The following TNIK variants were observed in gnomAD, a reference collection of about 807,000 sequenced individuals.
The protein encoded by TNIK is TRAF2 and NCK-interacting protein kinase.
Under a neutral mutation model 191.3 loss-of-function variants are expected in TNIK, and 49 were observed. That is an observed-to-expected ratio of 0.26 (90% CI 0.20 to 0.32). TNIK has a LOEUF of 0.32. Among genes scored for constraint, TNIK ranks in the 10% least tolerant of loss-of-function variants. TNIK has a pLI of 1.00. For missense variants in TNIK, 1,155 were observed against 1,702.3 expected (o/e 0.68, Z 5.66); for synonymous variants, 594 against 600.9 (o/e 0.99, Z 0.17).
In TNIK at chr3:171,159,452, G is replaced by C. The variant is rs951913363; in HGVS notation, c.1017-1788C>G. On this transcript the variant is annotated intron_variant, in intron 11 of 32. Transcript: ENST00000436636. This position sits in a 1 kb window ranked among gnomAD's most constrained non-coding sequence, Gnocchi z 4.1. Reference sequence around the variant, plus strand: ...CCATGAAAAGACATAAAAAGGCTTTGTTCGTGATGTTCCATAGACAATGCT... The same window carrying C: ...CCATGAAAAGACATAAAAAGGCTTTCTTCGTGATGTTCCATAGACAATGCT... Among the ~76,000 whole-genome samples the C allele has an allele frequency of 6.6e-6, 1 of 152,180 alleles. No individual in the cohort carries two copies. The highest frequency in any genetic ancestry group is 2.4e-5 in the African/African-American group (1 of 41,440).
chr3:171,232,727 A>G (rs1345414835), intron 2 of TNIK, among the ~76,000 whole-genome samples: 3 of 150,052 alleles, frequency 2.0e-5, no homozygotes, highest in Non-Finnish European at 2.9e-5. Context: ...AGACACACTT[A>G]AGAACCTACT....
intron 2 of TNIK, among the ~76,000 whole-genome samples, chr3:171,293,714 G>T (rs1191404872): frequency 1.3e-5 from 2 of 152,000 alleles, no homozygotes; most frequent in African/African-American, 4.8e-5. Flanking sequence ...TAGTGATATT[G>T]TTTTTTATTT....
chr3:171,267,932 G>A (rs1748588742), intron 2 of TNIK, among the ~76,000 whole-genome samples: 1 of 152,096 alleles, frequency 6.6e-6, no homozygotes, highest in African/African-American at 2.4e-5. Context: ...TCCACTCCCT[G>A]CCAATTGCAA....
chr3:171,424,941 A>T (rs1204462669), intron 1 of TNIK, among the ~76,000 whole-genome samples: 3 of 151,254 alleles, frequency 2.0e-5, no homozygotes, highest in Admixed American at 2.0e-4. Flanking sequence ...TATGTAACAA[A>T]CCTGCACGTT....
intron 18 of TNIK, among the ~76,000 whole-genome samples, chr3:171,118,269 C>T (rs1013348501): frequency 6.6e-6 from 1 of 152,192 alleles, no homozygotes; most frequent in African/African-American, 2.4e-5. Flanking sequence ...CTACAAACCA[C>T]TGCTCAACGA....
At chr3:171,215,920 C>A (rs1741403027) in intron 3 of TNIK, among the ~76,000 whole-genome samples, 1 of 152,154 alleles carries the variant, frequency 6.6e-6, no homozygotes. Flanking sequence ...GTCTAAGAGA[C>A]TAGTCAGGAA....
At chr3:171,075,725 T>C (rs1308593549) in intron 28 of TNIK, among the ~76,000 whole-genome samples, 8 of 152,012 alleles carry the variant, frequency 5.3e-5, no homozygotes, top group East Asian at 3.9e-4. Context: ...TTTTTTTTTT[T>C]CCAAAAGCTG....
chr3:171,160,577 GA>G (rs1733861577), intron 11 of TNIK, among the ~76,000 whole-genome samples: 1 of 151,782 alleles, frequency 6.6e-6, no homozygotes. Context: ...TCAACAAGCT[GA>G]ATTCGCTCAC....
chr3:171,388,268 G>C (rs1429731378), intron 1 of TNIK, among the ~76,000 whole-genome samples: 1 of 152,108 alleles, frequency 6.6e-6, no homozygotes, highest in Non-Finnish European at 1.5e-5. Context: ...ACCACAGAAA[G>C]GCCTGGCTTA....
At chr3:171,249,512 C>T (rs989187829) in intron 2 of TNIK, among the ~76,000 whole-genome samples, 2 of 152,134 alleles carry the variant, frequency 1.3e-5, no homozygotes, top group African/African-American at 2.4e-5. Context: ...AAATTAGGGG[C>T]CTCCTGCAGT....
chr3:171,084,458 T>A (rs1721086388), intron 25 of TNIK, 133 bp from the exon 26 acceptor site: 8 of 1,056,428 alleles, frequency 7.6e-6, no homozygotes, highest in Non-Finnish European at 1.1e-5. Context: ...GAAACTCTCC[T>A]TATTTTACAC....
intron 1 of TNIK, among the ~76,000 whole-genome samples, chr3:171,395,482 G>C (rs1202213121): frequency 6.6e-6 from 1 of 152,116 alleles, no homozygotes; most frequent in Non-Finnish European, 1.5e-5. Flanking sequence ...TAAATACAGA[G>C]CCTACATTAT....
intron 18 of TNIK, among the ~76,000 whole-genome samples, chr3:171,120,863 T>A (rs1727634136): frequency 6.6e-6 from 1 of 152,118 alleles, no homozygotes; most frequent in Non-Finnish European, 1.5e-5. Context: ...AGAAATATAA[T>A]TTTGCCCCTA....
intron 15 of TNIK, among the ~76,000 whole-genome samples, chr3:171,131,602 A>G (rs1251061810): frequency 3.3e-5 from 5 of 152,206 alleles, no homozygotes; most frequent in Non-Finnish European, 7.3e-5. Context: ...GCTCCAGTGT[A>G]CTGAAATTTC....
At chr3:171,346,719 A>T (rs1203018876) in intron 2 of TNIK, among the ~76,000 whole-genome samples, 1 of 37,600 alleles carries the variant, frequency 2.7e-5, no homozygotes, top group African/African-American at 1.5e-4. Flanking sequence ...CAGGAGAAGA[A>T]CATTCCAGGA....
At chr3:171,072,865 G>A (rs1719383334) in intron 28 of TNIK, among the ~76,000 whole-genome samples, 1 of 151,784 alleles carries the variant, frequency 6.6e-6, no homozygotes, top group Non-Finnish European at 1.5e-5. Flanking sequence ...ATTTAACCAA[G>A]AAGGTGAAAG....
chr3:171,090,133 G>A (rs1196380662), intron 23 of TNIK, among the ~76,000 whole-genome samples: 1 of 152,176 alleles, frequency 6.6e-6, no homozygotes, highest in Admixed American at 6.5e-5. Context: ...GGTGAAAGCA[G>A]GAGCATGCAG....
At chr3:171,377,383 C>G (rs1161554790) in intron 1 of TNIK, among the ~76,000 whole-genome samples, 1 of 152,222 alleles carries the variant, frequency 6.6e-6, no homozygotes, top group Non-Finnish European at 1.5e-5. Flanking sequence ...TCACCCTCCC[C>G]GCTCAGCTGC....
intron 1 of TNIK, among the ~76,000 whole-genome samples, chr3:171,455,104 C>T (rs959976299): frequency 2.0e-5 from 3 of 152,040 alleles, no homozygotes; most frequent in African/African-American, 7.2e-5. Flanking sequence ...ATACTGGGGG[C>T]GCAAAGCTCA....
Sources: gnomAD v4.1 joint callset for allele counts (sites outside exome capture counted in the v4.1 genomes callset) on GRCh38, gnomAD v4.1.1 for gene constraint, Gnocchi (gnomAD v3.1) non-coding constraint, MANE v1.5 for transcripts, NCBI Gene and HGNC (gene_info 2026-07-23, HGNC 2026-07-21) for gene names.